NAALADL2: variants seen among roughly 807,000 people sequenced by gnomAD.
NAALADL2 encodes the protein N-acetylated alpha-linked acidic dipeptidase like 2.
A neutral mutation model predicts 87.2 loss-of-function variants in NAALADL2; 76 were observed. The ratio of observed to expected loss-of-function variants is 0.87; its 90% CI spans 0.72 to 1.05. The LOEUF (loss-of-function observed/expected upper bound fraction) is 1.05. Ranked by LOEUF, NAALADL2 falls within the 50% of genes least tolerant of loss-of-function variation. The probability of loss-of-function intolerance (pLI) is 0.00; values close to 1 mark genes in which losing one functional copy is unlikely to be tolerated. For synonymous variants in NAALADL2, 354 were observed against 331.0 expected (o/e 1.07, Z -0.75); for missense variants, 1,089 against 945.8 (o/e 1.15, Z -1.99).
At chr3:175,505,125 G>A (rs1333856094) in intron 9 of NAALADL2, among the ~76,000 whole-genome samples, 1 of 152,060 alleles carries the variant, frequency 6.6e-6, no homozygotes, top group Non-Finnish European at 1.5e-5. Flanking sequence ...ACTACCATCT[G>A]TGAGAAACTC....
chr3:175,274,966 AC>A (rs1337460570), intron 4 of NAALADL2, among the ~76,000 whole-genome samples: 1 of 152,196 alleles, frequency 6.6e-6, no homozygotes, highest in East Asian at 1.9e-4. Flanking sequence ...CAAAGTAAAC[AC>A]TCATGAATTC....
At chr3:175,471,856 A>G (rs1055439387) in intron 9 of NAALADL2, 98 bp downstream of exon 9, 2 of 1,009,262 alleles carry the variant, frequency 2.0e-6, no homozygotes, top group Non-Finnish European at 2.9e-6. Context: ...TTAAATATGC[A>G]TCAAATGTTG....
chr3:175,667,777 G>A (rs530171475), intron 11 of NAALADL2, among the ~76,000 whole-genome samples: 74 of 139,524 alleles, frequency 5.3e-4, no homozygotes, highest in African/African-American at 1.8e-3. Context: ...ACAGGAAGAT[G>A]AAGTTAGACC....
At chr3:175,040,281 A>T (rs989194715) in intron 1 of NAALADL2, among the ~76,000 whole-genome samples, 3 of 152,224 alleles carry the variant, frequency 2.0e-5, no homozygotes, top group African/African-American at 7.2e-5. Flanking sequence ...TAATTTCATT[A>T]CTGTTTGTCT....
chr3:175,216,691 A>G (rs1180665475), intron 2 of NAALADL2, among the ~76,000 whole-genome samples: 4 of 89,450 alleles, frequency 4.5e-5, no homozygotes, highest in East Asian at 4.6e-4. Flanking sequence ...TTTTTTGAGA[A>G]GGTGTCTCGC....
intron 1 of NAALADL2, among the ~76,000 whole-genome samples, chr3:174,454,951 T>G (rs1295152590): frequency 8.0e-6 from 1 of 125,252 alleles, no homozygotes; most frequent in Non-Finnish European, 1.7e-5. Flanking sequence ...CCAGGAGTTG[T>G]TTTTTTTTTT....
intron 2 of NAALADL2, among the ~76,000 whole-genome samples, chr3:174,585,134 A>G (rs980387003): frequency 2.0e-5 from 3 of 152,174 alleles, no homozygotes; most frequent in Non-Finnish European, 4.4e-5. Context: ...TGACCCCTGA[A>G]ATATTACAAG....
At chr3:175,670,610 T>C (rs112369936) in intron 11 of NAALADL2, among the ~76,000 whole-genome samples, 85 of 147,480 alleles carry the variant, frequency 5.8e-4, no homozygotes, top group Non-Finnish European at 1.2e-3. Context: ...AAATATATAT[T>C]AAATGTAAAA....
Position 175,234,117 on chromosome 3 carries a change from C to A in NAALADL2, c.732C>A (p.Gly244=). The A allele has an allele frequency of 1.9e-6, 3 of 1,613,882 alleles. No individual in the cohort carries two copies. Among genetic ancestry groups the A allele is most frequent in the Non-Finnish European group, 2.5e-6 (3 of 1,179,830 alleles). ...SSSGQCFHPN[G]QPCSEEARKD... ...GTGGTCAATGCTTTCATCCTAATGG[C>A]CAGCCTTGCAGTGAAGAAGCCAGAA... The change falls in exon 3 of 14, where the codon GGC becomes GGA. Residue 244 remains glycine, a synonymous_variant. Transcript: ENST00000454872.
chr3:174,616,737 G>A (rs953132426), intron 2 of NAALADL2, among the ~76,000 whole-genome samples: 13 of 151,780 alleles, frequency 8.6e-5, no homozygotes, highest in Admixed American at 7.2e-4. Context: ...GATGCAGTAA[G>A]GGCAAGCTGC....
At chr3:175,765,584 T>C (rs1287310991) in intron 13 of NAALADL2, among the ~76,000 whole-genome samples, 1 of 152,138 alleles carries the variant, frequency 6.6e-6, no homozygotes, top group Admixed American at 6.5e-5. Context: ...AATACTTGTG[T>C]GTATAACTGT....
At chr3:174,745,724 A>T (rs1734190459) in intron 3 of NAALADL2, among the ~76,000 whole-genome samples, 1 of 152,210 alleles carries the variant, frequency 6.6e-6, no homozygotes, top group African/African-American at 2.4e-5. Flanking sequence ...CCAGCAGTGC[A>T]TCAAAAAGCT....
At chr3:175,489,152 T>C (rs1727710065) in intron 9 of NAALADL2, among the ~76,000 whole-genome samples, 1 of 152,178 alleles carries the variant, frequency 6.6e-6, no homozygotes, top group South Asian at 2.1e-4. Flanking sequence ...CATAAAAAGA[T>C]ATTACACAAA....
At chr3:175,201,256 G>T (rs1157507460) in intron 2 of NAALADL2, among the ~76,000 whole-genome samples, 1 of 152,136 alleles carries the variant, frequency 6.6e-6, no homozygotes, top group East Asian at 1.9e-4. Context: ...ACCACAAGAA[G>T]AGTAGATATC....
intron 13 of NAALADL2, among the ~76,000 whole-genome samples, chr3:175,787,708 G>C (rs1484320280): frequency 6.6e-6 from 1 of 152,108 alleles, no homozygotes; most frequent in African/African-American, 2.4e-5. Context: ...GACCGGAGCT[G>C]TTCCTATCCG....
chr3:174,484,178 G>A (rs1717723793), intron 1 of NAALADL2, among the ~76,000 whole-genome samples: 2 of 144,026 alleles, frequency 1.4e-5, no homozygotes, highest in African/African-American at 5.1e-5. Context: ...TTAATGTGTC[G>A]AGTGTGATTT....
At chr3:174,736,834 G>A (rs765404003) in intron 2 of NAALADL2, among the ~76,000 whole-genome samples, 3 of 152,120 alleles carry the variant, frequency 2.0e-5, no homozygotes, top group Non-Finnish European at 2.9e-5. Context: ...TGTGCTGAGG[G>A]GCCCCTGCAG....
intron 3 of NAALADL2, among the ~76,000 whole-genome samples, chr3:174,809,612 T>C (rs781095921): frequency 6.8e-6 from 1 of 147,444 alleles, no homozygotes; most frequent in Non-Finnish European, 1.5e-5. Context: ...AGTGGCCTCA[T>C]ATATAACTTC....
At chr3:174,643,918 C>T (rs762536650) in intron 2 of NAALADL2, among the ~76,000 whole-genome samples, 4 of 152,132 alleles carry the variant, frequency 2.6e-5, no homozygotes, top group Non-Finnish European at 5.9e-5. Context: ...TGAAAAGATC[C>T]TGTATTTCTT....
Sources: allele counts gnomAD v4.1 joint callset (sites outside exome capture counted in the v4.1 genomes callset), GRCh38; gene constraint gnomAD v4.1.1; transcripts MANE v1.5; gene names NCBI Gene and HGNC (gene_info 2026-07-23, HGNC 2026-07-21).